The following SSH2 variants were observed in gnomAD, a reference collection of about 807,000 sequenced individuals.
SSH2 encodes slingshot protein phosphatase 2.
Under a neutral mutation model 135.2 loss-of-function variants are expected in SSH2, and 37 were observed. The ratio of observed to expected loss-of-function variants is 0.27; its 90% CI spans 0.21 to 0.36. The LOEUF is 0.36. Among genes scored for constraint, SSH2 ranks in the 10% least tolerant of loss-of-function variants. The probability of loss-of-function intolerance (pLI) is 1.00; values close to 1 mark genes in which losing one functional copy is unlikely to be tolerated. For missense variants in SSH2, 1,408 were observed against 1,765.3 expected (o/e 0.80, Z 3.63); for synonymous variants, 628 against 646.2 (o/e 0.97, Z 0.43).
chr17:29,740,456 T>G (rs1348201852), intron 3 of SSH2, among the ~76,000 whole-genome samples: 5 of 152,058 alleles, frequency 3.3e-5, no homozygotes, highest in Admixed American at 1.3e-4. Context: ...CTCTTTTTTT[T>G]TTTTCAGTAA....
chr17:29,742,235 C>A (rs1043330718), intron 3 of SSH2, among the ~76,000 whole-genome samples: 6 of 151,282 alleles, frequency 4.0e-5, no homozygotes, highest in Non-Finnish European at 8.8e-5. Flanking sequence ...GGCCCGGTTG[C>A]TTCACTGATA....
At chr17:29,807,832 CTTTTT>C (rs58284055) in intron 2 of SSH2, among the ~76,000 whole-genome samples, 51 of 94,392 alleles carry the variant, frequency 5.4e-4, no homozygotes, top group Middle Eastern at 0.013. Context: ...GTTTTGATGG[CTTTTT>C]TTTTTTTTTT....
At chr17:29,749,328 T>C (rs2040856661) in intron 3 of SSH2, among the ~76,000 whole-genome samples, 1 of 152,200 alleles carries the variant, frequency 6.6e-6, no homozygotes, top group Admixed American at 6.5e-5. Flanking sequence ...AGTTTATCAT[T>C]GCGTGAACAT....
chr17:29,824,976 G>A (rs2042718652), intron 2 of SSH2, among the ~76,000 whole-genome samples: 1 of 152,020 alleles, frequency 6.6e-6, no homozygotes. Context: ...CTTATAGGGA[G>A]GGCCTGTACA....
intron 2 of SSH2, among the ~76,000 whole-genome samples, chr17:29,801,206 C>T (rs1053655910): frequency 2.0e-5 from 3 of 152,150 alleles, no homozygotes; most frequent in Non-Finnish European, 4.4e-5. Context: ...TCTTATTAAT[C>T]TGTTTACTAC....
chr17:29,760,609 A>G (rs1598953749), intron 3 of SSH2, among the ~76,000 whole-genome samples: 2 of 152,282 alleles, frequency 1.3e-5, no homozygotes, highest in Admixed American at 1.3e-4. Context: ...TACCAGTAGT[A>G]CAGGAGGAGA....
intron 11 of SSH2, among the ~76,000 whole-genome samples, chr17:29,656,178 C>G (rs774646778): frequency 1.3e-5 from 2 of 152,112 alleles, no homozygotes; most frequent in Non-Finnish European, 2.9e-5. Flanking sequence ...TTCCAAAGCT[C>G]ACACTCTTTT....
intron 1 of SSH2, among the ~76,000 whole-genome samples, chr17:29,853,009 G>A (rs1344386079): frequency 6.6e-6 from 1 of 151,416 alleles, no homozygotes; most frequent in Non-Finnish European, 1.5e-5. Flanking sequence ...AAAAGCGTTT[G>A]ACAAAATAGT....
chr17:29,831,851 T>C (rs1255829268), intron 2 of SSH2, among the ~76,000 whole-genome samples: 1 of 152,190 alleles, frequency 6.6e-6, no homozygotes, highest in Non-Finnish European at 1.5e-5. Flanking sequence ...AGTGCTGAGA[T>C]TACAGGTGTA....
At chr17:29,649,433 A>C (rs998837065) in intron 13 of SSH2, among the ~76,000 whole-genome samples, 1 of 152,004 alleles carries the variant, frequency 6.6e-6, no homozygotes, top group Non-Finnish European at 1.5e-5. Flanking sequence ...CCCAGGCTCA[A>C]GTGCAGTGGT....
chr17:29,814,432 CAAAAAAAAAAA>C (rs1179862061), intron 2 of SSH2, among the ~76,000 whole-genome samples: 3 of 39,088 alleles, frequency 7.7e-5, no homozygotes, highest in East Asian at 7.8e-4. Context: ...GACTCTGTCT[CAAAAAAAAAAA>C]AAAAAAAAAA....
intron 5 of SSH2, among the ~76,000 whole-genome samples, chr17:29,693,023 G>A (rs1188223175): frequency 6.6e-6 from 1 of 152,152 alleles, no homozygotes; most frequent in Non-Finnish European, 1.5e-5. Context: ...GCAGTGGCGT[G>A]ATCATGGCTC....
chr17:29,812,266 T>C (rs898336100), intron 2 of SSH2, among the ~76,000 whole-genome samples: 2 of 151,956 alleles, frequency 1.3e-5, no homozygotes, highest in Admixed American at 6.6e-5. Context: ...CACACAATTA[T>C]GTTTTTTAAA....
intron 3 of SSH2, among the ~76,000 whole-genome samples, chr17:29,710,354 A>T (rs535067737): frequency 1.3e-5 from 2 of 152,348 alleles, no homozygotes; most frequent in East Asian, 3.9e-4. Context: ...TGAAGCCAAA[A>T]TTAGCAGGCA....
intron 1 of SSH2, among the ~76,000 whole-genome samples, chr17:29,875,364 T>G (rs2066009272): frequency 6.6e-6 from 1 of 152,222 alleles, no homozygotes; most frequent in African/African-American, 2.4e-5. Flanking sequence ...GTAAGCCCTG[T>G]AGGTTCTATA....
intron 3 of SSH2, among the ~76,000 whole-genome samples, chr17:29,762,367 G>A (rs1449000625): frequency 6.6e-6 from 1 of 152,150 alleles, no homozygotes; most frequent in Non-Finnish European, 1.5e-5. Flanking sequence ...AAATCTCAAT[G>A]CCCAGGCTGC....
intron 1 of SSH2, among the ~76,000 whole-genome samples, chr17:29,891,034 G>A (rs1176917820): frequency 1.3e-5 from 2 of 152,168 alleles, no homozygotes; most frequent in African/African-American, 4.8e-5. Flanking sequence ...GATTACAGGT[G>A]TGAGCCACCA....
chr17:29,631,203 C>T lies in SSH2; in HGVS notation c.3991G>A (p.Asp1331Asn), dbSNP rs1490097445. The T allele has an allele frequency of 6.2e-7, 1 of 1,614,090 alleles. No individual in the cohort carries two copies. The highest frequency in any genetic ancestry group is 1.7e-5 in the Admixed American group (1 of 60,018). ...RTDSGMHAME[D>N]QESLENPGAP... is the part of the protein sequence containing the mutation. ...CCTGGGTTTTCTAGGGACTCTTGGT[C>T]CTCCATCGCGTGCATGCCTGAGTCT... is the stretch of plus-strand genomic sequence containing the variant. Residue 1331 changes from aspartate (D) to asparagine (N), a missense_variant, in exon 16 of 16, where the codon GAC (aspartate) becomes AAC (asparagine). This residue lies in a region of SSH2 where 1,080 missense variants were observed against 1,144.5 expected (regional missense o/e 0.94). Transcript: ENST00000540801.
chr17:29,823,177 T>A (rs1326981232), intron 2 of SSH2, among the ~76,000 whole-genome samples: 1 of 152,206 alleles, frequency 6.6e-6, no homozygotes, highest in Non-Finnish European at 1.5e-5. Flanking sequence ...AAAGTTGCTT[T>A]AATCAGAGAT....
Sources: allele counts gnomAD v4.1 joint callset (sites outside exome capture counted in the v4.1 genomes callset), GRCh38; gene constraint gnomAD v4.1.1; regional missense constraint gnomAD v4.1.1; transcripts MANE v1.5; gene names NCBI Gene and HGNC (gene_info 2026-07-23, HGNC 2026-07-21).